The following ST8SIA6 variants were observed in gnomAD, a reference collection of about 807,000 sequenced individuals.
The protein encoded by ST8SIA6 is ST8 alpha-N-acetyl-neuraminide alpha-2,8-sialyltransferase 6, also known as alpha-2,8-sialyltransferase 8F.
In ST8SIA6, 39 loss-of-function variants were observed where a neutral mutation model predicts 33.6. That is an observed-to-expected ratio of 1.16 (90% CI 0.90 to 1.52). The LOEUF is 1.52. ST8SIA6 is among the 40% of genes most tolerant of loss of function. The pLI is 0.00. For missense variants in ST8SIA6, 441 were observed against 443.8 expected (o/e 0.99, Z 0.06); for synonymous variants, 172 against 167.2 (o/e 1.03, Z -0.22).
intron 6 of ST8SIA6, among the ~76,000 whole-genome samples, chr10:17,326,118 TTCA>T (rs1848122211): frequency 6.6e-6 from 1 of 152,182 alleles, no homozygotes; most frequent in Non-Finnish European, 1.5e-5. Context: ...CTATTGTGGC[TTCA>T]TCATTACCTG....
At chr10:17,439,809 C>G (rs1484255787) in intron 2 of ST8SIA6, among the ~76,000 whole-genome samples, 1 of 152,194 alleles carries the variant, frequency 6.6e-6, no homozygotes, top group Non-Finnish European at 1.5e-5. Context: ...ACAAGGCATG[C>G]TGAGGCTATC....
intron 2 of ST8SIA6, among the ~76,000 whole-genome samples, chr10:17,414,017 A>G (rs1851532275): frequency 6.6e-6 from 1 of 152,180 alleles, no homozygotes; most frequent in South Asian, 2.1e-4. Context: ...AGAAGCCCCC[A>G]TGCCCAATAC....
At chr10:17,425,184 T>G (rs1013645547) in intron 2 of ST8SIA6, among the ~76,000 whole-genome samples, 1 of 152,224 alleles carries the variant, frequency 6.6e-6, no homozygotes, top group Non-Finnish European at 1.5e-5. Context: ...ATATATTTAT[T>G]TACATATACA....
At chr10:17,323,867 T>A (rs143149038) in intron 6 of ST8SIA6, among the ~76,000 whole-genome samples, 171 of 152,250 alleles carry the variant, frequency 1.1e-3, no homozygotes, top group African/African-American at 3.9e-3. Context: ...ATTGGCATAT[T>A]CTTAAAAACT....
In ST8SIA6 at chr10:17,359,535, G is replaced by C. The variant is rs778963987; in HGVS notation, c.356C>G (p.Ala119Gly). The stretch of plus-strand genomic sequence containing the variant: ...TTACCTAAAATTTGCATATTCTTCT[G>C]CTTGCCGTTTCCATGGACAACTCTG... ...DIQSCPWKRQ[A>G]EEYANFRAKL... Residue 119 changes from alanine to glycine, a missense_variant, in exon 4 of 8, where the codon GCA (alanine) becomes GGA (glycine). By Grantham distance (60) the Ala-to-Gly change is moderately conservative. Coordinates refer to ENST00000377602, the MANE Select transcript of ST8SIA6 (RefSeq NM_001004470.3). 3.7e-6 allele frequency: 6 copies of C among 1,604,134 alleles called. No homozygotes were observed. The highest frequency in any genetic ancestry group is 2.7e-5 in the African/African-American group (2 of 74,368).
intron 3 of ST8SIA6, 96 bp downstream of exon 3, chr10:17,390,435 G>T: frequency 9.4e-7 from 1 of 1,059,154 alleles, no homozygotes; most frequent in East Asian, 2.4e-5. Flanking sequence ...AGAGTGAACA[G>T]TCTCATATTC....
intron 2 of ST8SIA6, among the ~76,000 whole-genome samples, chr10:17,393,171 G>A (rs952321354): frequency 6.6e-6 from 1 of 152,124 alleles, no homozygotes; most frequent in African/African-American, 2.4e-5. Flanking sequence ...TATTCAGACT[G>A]GGACTTACAC....
At chr10:17,350,127 A>G (rs1461788475) in intron 4 of ST8SIA6, among the ~76,000 whole-genome samples, 2 of 152,196 alleles carry the variant, frequency 1.3e-5, no homozygotes, top group African/African-American at 2.4e-5. Context: ...CGATGTGGCC[A>G]AAGTCCGTAG....
intron 3 of ST8SIA6, among the ~76,000 whole-genome samples, chr10:17,373,582 C>T (rs1218662226): frequency 1.3e-5 from 2 of 152,150 alleles, no homozygotes; most frequent in African/African-American, 2.4e-5. Context: ...TTTAGCCGTT[C>T]GGATGGTCTT....
intron 4 of ST8SIA6, among the ~76,000 whole-genome samples, chr10:17,336,465 A>C (rs1266209782): frequency 6.6e-6 from 1 of 152,128 alleles, no homozygotes. Context: ...ATCTGAGTGC[A>C]TGTCACCTTC....
At chr10:17,330,195 CA>C (rs778022809) in intron 5 of ST8SIA6, among the ~76,000 whole-genome samples, 3 of 152,278 alleles carry the variant, frequency 2.0e-5, no homozygotes, top group Non-Finnish European at 4.4e-5. Flanking sequence ...CAGTTACATA[CA>C]TAATTATCAG....
At chr10:17,421,873 T>G (rs928051175) in intron 2 of ST8SIA6, among the ~76,000 whole-genome samples, 2 of 152,192 alleles carry the variant, frequency 1.3e-5, no homozygotes, top group African/African-American at 2.4e-5. Context: ...GGCCTTCAAT[T>G]TTATTTCCTT....
chr10:17,338,463 A>G (rs1406952960), intron 4 of ST8SIA6, among the ~76,000 whole-genome samples: 1 of 152,184 alleles, frequency 6.6e-6, no homozygotes, highest in African/African-American at 2.4e-5. Context: ...ACACTAGAGT[A>G]TGTTGTAATT....
intron 2 of ST8SIA6, among the ~76,000 whole-genome samples, chr10:17,447,402 T>G (rs79333775): frequency 0.021 from 3,223 of 152,024 alleles, 38 homozygotes; most frequent in African/African-American, 0.032. Context: ...GCAAAATTCC[T>G]TCTCAAAAGA....
intron 4 of ST8SIA6, among the ~76,000 whole-genome samples, chr10:17,354,009 G>C (rs536096762): frequency 7.6e-4 from 116 of 152,280 alleles, no homozygotes; most frequent in African/African-American, 2.6e-3. Context: ...ATTGGCTACA[G>C]AAATGAATAC....
intron 2 of ST8SIA6, among the ~76,000 whole-genome samples, chr10:17,423,000 T>C (rs572288109): frequency 6.6e-6 from 1 of 152,314 alleles, no homozygotes; most frequent in Admixed American, 6.5e-5. Context: ...TCCCGTTCAA[T>C]GTAACAGAAA....
At chr10:17,439,158 T>G (rs1242868341) in intron 2 of ST8SIA6, among the ~76,000 whole-genome samples, 1 of 152,234 alleles carries the variant, frequency 6.6e-6, no homozygotes, top group African/African-American at 2.4e-5. Flanking sequence ...CATTTCTTCC[T>G]CTTCCAGCTT....
chr10:17,403,629 C>A (rs76614030), intron 2 of ST8SIA6: 2 of 152,160 alleles, frequency 1.3e-5, no homozygotes, highest in African/African-American at 2.4e-5. Context: ...ATATACATAT[C>A]TTTTCTTACT....
intron 2 of ST8SIA6, among the ~76,000 whole-genome samples, chr10:17,419,844 G>A (rs573620166): frequency 3.3e-5 from 5 of 152,224 alleles, no homozygotes; most frequent in Non-Finnish European, 7.4e-5. Context: ...CCATTGATTT[G>A]CACACATTTT....
Sources: allele counts gnomAD v4.1 joint callset (sites outside exome capture counted in the v4.1 genomes callset), GRCh38; gene constraint gnomAD v4.1.1; transcripts MANE v1.5; gene names NCBI Gene and HGNC (gene_info 2026-07-23, HGNC 2026-07-21).